The following FANK1 variants were observed in gnomAD, a reference collection of about 807,000 sequenced individuals.
FANK1 encodes fibronectin type III and ankyrin repeat domains 1.
A neutral mutation model predicts 45.3 loss-of-function variants in FANK1; 44 were observed. The ratio of observed to expected loss-of-function variants is 0.97; its 90% CI spans 0.76 to 1.25. The LOEUF is 1.25. FANK1 is among the 50% of genes most tolerant of loss of function. FANK1 has a pLI of 0.00. For missense variants in FANK1, 391 were observed against 424.4 expected (o/e 0.92, Z 0.69); for synonymous variants, 149 against 152.5 (o/e 0.98, Z 0.17).
chr10:126,003,331 G>A (rs1420479446), intron 6 of FANK1, among the ~76,000 whole-genome samples: 3 of 152,010 alleles, frequency 2.0e-5, no homozygotes, highest in Non-Finnish European at 4.4e-5. Flanking sequence ...GGGAGGCCGA[G>A]GCAGGAAGAT....
At chr10:126,007,082 A>C (rs1953273386) in intron 7 of FANK1, 1 of 152,242 alleles carries the variant, frequency 6.6e-6, no homozygotes, top group African/African-American at 2.4e-5. Flanking sequence ...CGGATGGATG[A>C]TGTCAACATG....
At chr10:125,987,405 G>GAAAAA (rs748824356) in intron 2 of FANK1, among the ~76,000 whole-genome samples, 20 of 148,698 alleles carry the variant, frequency 1.3e-4, no homozygotes, top group African/African-American at 5.0e-4. Flanking sequence ...CTAGAGACAG[G>GAAAAA]AAAAAACAAA....
chr10:125,951,233 G>GTA (rs1387730839), intron 1 of FANK1, among the ~76,000 whole-genome samples: 1 of 136,572 alleles, frequency 7.3e-6, no homozygotes, highest in Non-Finnish European at 1.6e-5. Context: ...AAAACTTAAA[G>GTA]TATAAAAAAA....
chr10:125,923,617 T>C (rs1947105221), intron 1 of FANK1, among the ~76,000 whole-genome samples: 2 of 151,926 alleles, frequency 1.3e-5, no homozygotes, highest in African/African-American at 4.8e-5. Flanking sequence ...AGCCTCCGCC[T>C]CCCAGGCTCA....
rs772017389 is a variant in FANK1 at position 125,980,150 on chromosome 10, CT to C, written c.14-3del. ...CTGGGTCCTGAAGTTCGGTGTCATT[CT>C]TTTTTTTAGAAATCATGCCACCCTC... On this transcript the variant is annotated splice_polypyrimidine_tract_variant and intron_variant, in intron 1 of 10. Transcript: ENST00000368693. The C allele has an allele frequency of 5.0e-6, 8 of 1,605,204 alleles. No homozygotes were observed. The highest frequency in any genetic ancestry group is 2.2e-5 in the South Asian group (2 of 89,360).
intron 1 of FANK1, among the ~76,000 whole-genome samples, chr10:125,947,634 A>G (rs1478591779): frequency 6.6e-6 from 1 of 151,564 alleles, no homozygotes; most frequent in Admixed American, 6.6e-5. Flanking sequence ...GTGACCTACA[A>G]AGAGACTTAG....
chr10:125,909,834 G>A (rs1945847736), intron 1 of FANK1, among the ~76,000 whole-genome samples: 1 of 151,324 alleles, frequency 6.6e-6, no homozygotes, highest in Admixed American at 6.6e-5. Context: ...TCATATCATT[G>A]TTTTTTAGTA....
At chr10:125,975,692 A>C (rs1254120149) in intron 1 of FANK1, among the ~76,000 whole-genome samples, 1 of 152,094 alleles carries the variant, frequency 6.6e-6, no homozygotes, top group Non-Finnish European at 1.5e-5. Flanking sequence ...TGGATGCTGG[A>C]TATTAGACCT....
At chr10:125,920,999 G>A (rs945006565) in intron 1 of FANK1, among the ~76,000 whole-genome samples, 25 of 151,998 alleles carry the variant, frequency 1.6e-4, no homozygotes, top group Non-Finnish European at 3.4e-4. Flanking sequence ...CTTCCTCTCC[G>A]GTGATCTTGT....
At chr10:125,944,179 A>G (rs1037160028) in intron 1 of FANK1, among the ~76,000 whole-genome samples, 1 of 152,240 alleles carries the variant, frequency 6.6e-6, no homozygotes, top group African/African-American at 2.4e-5. Context: ...CGATAATGGC[A>G]TACATAAAGC....
At chr10:125,958,307 A>G (rs1037916077) in intron 1 of FANK1, among the ~76,000 whole-genome samples, 6 of 152,162 alleles carry the variant, frequency 3.9e-5, no homozygotes, top group Non-Finnish European at 8.8e-5. Flanking sequence ...CATTGCTATG[A>G]AGAACTGCCC....
rs753793565 is a variant in FANK1, at chr10:125,996,636, C to CT, written c.473+20dup. 3.2e-5 allele frequency: 51 copies of CT among 1,610,604 alleles called. No individual in the cohort carries two copies. Among genetic ancestry groups the CT allele is most frequent in the Admixed American group, 5.0e-5 (3 of 59,578 alleles). The stretch of plus-strand genomic sequence containing the variant: ...AAAGGATACACCAGGTATGGCTCTT[C>CT]TTTTTTTTAAATCTCTCTTGGGGAT... On this transcript the variant is annotated intron_variant, in intron 5 of 10. Coordinates refer to ENST00000368693, the MANE Select transcript of FANK1 (RefSeq NM_145235.5).
intron 1 of FANK1, among the ~76,000 whole-genome samples, chr10:125,944,531 C>T (rs1347992648): frequency 1.3e-5 from 2 of 152,168 alleles, no homozygotes; most frequent in Non-Finnish European, 2.9e-5. Context: ...GATAAACCAG[C>T]CCCAAAACTG....
intron 1 of FANK1, among the ~76,000 whole-genome samples, chr10:125,955,574 AG>A (rs909479704): frequency 2.6e-5 from 4 of 152,026 alleles, no homozygotes; most frequent in African/African-American, 9.7e-5. Context: ...TTGACCTCCC[AG>A]GCTCAAGAGA....
At chr10:125,982,855 T>C (rs1414330654) in intron 2 of FANK1, among the ~76,000 whole-genome samples, 2 of 152,294 alleles carry the variant, frequency 1.3e-5, no homozygotes, top group Admixed American at 6.5e-5. Flanking sequence ...AGCTCATTTG[T>C]GGATCCCCAG....
intron 1 of FANK1, among the ~76,000 whole-genome samples, chr10:125,952,556 GA>G (rs1294088183): frequency 6.6e-6 from 1 of 152,064 alleles, no homozygotes; most frequent in Non-Finnish European, 1.5e-5. Context: ...GGGGCTGGGG[GA>G]TCTGGACACC....
chr10:125,963,236 G>T (rs190642746), intron 1 of FANK1, among the ~76,000 whole-genome samples: 145 of 152,138 alleles, frequency 9.5e-4, no homozygotes, highest in Non-Finnish European at 1.8e-3. Context: ...CACCTGCCTC[G>T]GTCTCCCGAA....
intron 1 of FANK1, among the ~76,000 whole-genome samples, chr10:125,934,670 G>A (rs1423179871): frequency 1.4e-5 from 2 of 147,574 alleles, no homozygotes; most frequent in South Asian, 2.2e-4. Flanking sequence ...TCTGTGCAGG[G>A]CACCTAACAG....
intron 3 of FANK1, among the ~76,000 whole-genome samples, chr10:125,989,961 C>T (rs56774568): frequency 0.011 from 1,643 of 152,306 alleles, 25 homozygotes; most frequent in African/African-American, 0.035. Context: ...GTCCCCACCG[C>T]CCACAGGCCT....
Sources: gnomAD v4.1 joint callset for allele counts (sites outside exome capture counted in the v4.1 genomes callset) on GRCh38, gnomAD v4.1.1 for gene constraint, MANE v1.5 for transcripts, NCBI Gene and HGNC (gene_info 2026-07-23, HGNC 2026-07-21) for gene names.